KDM4C: variants seen among roughly 807,000 people sequenced by gnomAD.
KDM4C encodes the protein lysine-specific demethylase 4C.
Under a neutral mutation model 129.3 loss-of-function variants are expected in KDM4C, and 81 were observed. That is an observed-to-expected ratio of 0.63 (90% confidence interval 0.52 to 0.75). The LOEUF (loss-of-function observed/expected upper bound fraction) is 0.75. Among genes scored for constraint, KDM4C ranks in the 30% least tolerant of loss-of-function variants. KDM4C has a pLI of 0.00. For missense variants in KDM4C, 1,457 were observed against 1,304.0 expected, an observed-to-expected ratio of 1.12 and a Z score of -1.81; for synonymous variants, 573 against 456.1, an observed-to-expected ratio of 1.26 and a Z score of -3.26.
chr9:7,165,292 A>G lies in KDM4C; in HGVS notation c.2836A>G (p.Lys946Glu). The change falls in exon 20 of 22, where the codon AAG becomes GAG. Residue 946 changes from lysine to glutamate, a missense_variant. By Grantham distance (56) the Lys-to-Glu change is moderately conservative. Transcript: ENST00000381309. ...TGCTGAGGGAGAAGTCGTCCAAGTCAAGTGGCCCGATGGCAAACTCTATGG... is the reference window on the plus strand; with the variant it reads ...TGCTGAGGGAGAAGTCGTCCAAGTCGAGTGGCCCGATGGCAAACTCTATGG... ...PPAEGEVVQVKWPDGKLYGAK... is the reference protein window; with the variant it reads ...PPAEGEVVQVEWPDGKLYGAK... 1 of 1,614,156 alleles carries G rather than the reference A, an allele frequency of 6.2e-7. No individual in the cohort carries two copies. Among genetic ancestry groups the G allele is most frequent in the Non-Finnish European group, 8.5e-7 (1 of 1,180,010 alleles).
rs551205217 is a variant in KDM4C, at chr9:7,040,773, T to G, written c.2260-6089T>G. ...GTCACTTGTAACTCATATAATTGTT[T>G]ACTAAATGTGGCTTTTTTTTTCTCT... On this transcript the variant is annotated intron_variant, in intron 15 of 21. Coordinates refer to ENST00000381309, the MANE Select transcript of KDM4C (RefSeq NM_015061.6). Among the ~76,000 whole-genome samples, 9 of 152,128 alleles carry G rather than the reference T, an allele frequency of 5.9e-5. No homozygotes were observed. The South Asian group carries it at 1.9e-3, about 32-fold the overall frequency.
chr9:7,116,548 T>C (rs1838918439), intron 18 of KDM4C, among the ~76,000 whole-genome samples: 1 of 152,162 alleles, frequency 6.6e-6, no homozygotes, highest in Non-Finnish European at 1.5e-5. Context: ...TACCTCTCTT[T>C]CATGCACAGT....
chr9:6,851,445 T>C (rs1275830398), intron 5 of KDM4C, among the ~76,000 whole-genome samples: 4 of 152,230 alleles, frequency 2.6e-5, no homozygotes, highest in East Asian at 1.9e-4. Flanking sequence ...GTTAGGCTCC[T>C]GGACAGTTTC....
intron 4 of KDM4C, among the ~76,000 whole-genome samples, chr9:6,841,148 A>G (rs986858753): frequency 6.6e-5 from 10 of 152,114 alleles, no homozygotes; most frequent in East Asian, 1.9e-4. Context: ...TCTTTTTTTA[A>G]TAATTGGATT....
At chr9:7,010,064 A>T (rs1822412153) in intron 12 of KDM4C, among the ~76,000 whole-genome samples, 1 of 152,232 alleles carries the variant, frequency 6.6e-6, no homozygotes, top group African/African-American at 2.4e-5. Flanking sequence ...ACAAACATGG[A>T]TGTAACCAAA....
At chr9:6,763,424 C>T (rs989549043) in intron 1 of KDM4C, among the ~76,000 whole-genome samples, 1 of 152,134 alleles carries the variant, frequency 6.6e-6, no homozygotes, top group Non-Finnish European at 1.5e-5. Context: ...GCACACTGGC[C>T]ATAGCAGCAT....
intron 4 of KDM4C, among the ~76,000 whole-genome samples, chr9:6,838,612 A>C (rs773198153): frequency 1.3e-5 from 2 of 152,192 alleles, no homozygotes; most frequent in Non-Finnish European, 1.5e-5. Flanking sequence ...TCACTGCAGA[A>C]TTATTTTTCT....
intron 10 of KDM4C, 132 bp downstream of exon 10, chr9:6,984,536 G>A (rs961576160): frequency 3.1e-6 from 2 of 649,214 alleles, no homozygotes; most frequent in Non-Finnish European, 5.5e-6. Flanking sequence ...CCAAAGTCAT[G>A]GGTAACTCAA....
rs184364971 is a variant in KDM4C, at chr9:7,076,699, T to C, written c.2425-26986T>C. On this transcript the variant is annotated intron_variant, in intron 17 of 21. Transcript: ENST00000381309. Reference sequence around the variant, plus strand: ...CCTCACACCTTTGTGTTTAATTTTTTTAAATTTCATTTGTTGACTTCCTAT... The same window carrying C: ...CCTCACACCTTTGTGTTTAATTTTTCTAAATTTCATTTGTTGACTTCCTAT... 3.1e-4 allele frequency: 386 copies of C among 1,248,710 alleles called. 2 individuals carry two copies. Among genetic ancestry groups the C allele is most frequent in the Middle Eastern group, 2.0e-3 (8 of 4,102 alleles). 77.4% of individuals were successfully genotyped at this position (1,248,710 alleles called of 1,614,324 possible).
chr9:6,897,644 G>A (rs571641702), intron 8 of KDM4C, among the ~76,000 whole-genome samples: 1 of 152,154 alleles, frequency 6.6e-6, no homozygotes, highest in African/African-American at 2.4e-5. Context: ...TGCCCAGTGA[G>A]TTCCTCCTGT....
chr9:7,027,823 C>T (rs1826046211), intron 15 of KDM4C, among the ~76,000 whole-genome samples: 1 of 152,188 alleles, frequency 6.6e-6, no homozygotes, highest in Admixed American at 6.5e-5. Context: ...TACTTCTCAC[C>T]TTTCTTTCCC....
chr9:6,822,701 A>G (rs1287123228), intron 4 of KDM4C, among the ~76,000 whole-genome samples: 1 of 152,264 alleles, frequency 6.6e-6, no homozygotes, highest in African/African-American at 2.4e-5. Context: ...GACGCAGCAC[A>G]GGAGTTTCTT....
At chr9:6,904,285 T>C (rs972170812) in intron 8 of KDM4C, among the ~76,000 whole-genome samples, 4 of 152,186 alleles carry the variant, frequency 2.6e-5, no homozygotes, top group African/African-American at 9.6e-5. Flanking sequence ...TATATATTTA[T>C]ACCTATATCT....
At chr9:6,999,296 C>G (rs920461697) in intron 12 of KDM4C, among the ~76,000 whole-genome samples, 3 of 151,898 alleles carry the variant, frequency 2.0e-5, no homozygotes, top group African/African-American at 7.3e-5. Context: ...AATATGTTGA[C>G]CAAATATAAT....
chr9:6,894,202 T>C (rs1163072417), intron 8 of KDM4C, among the ~76,000 whole-genome samples: 1 of 152,196 alleles, frequency 6.6e-6, no homozygotes, highest in African/African-American at 2.4e-5. Context: ...ATTTAGAAAA[T>C]TGCATAATAT....
In KDM4C at chr9:6,875,031, C is replaced by G. The variant is rs1027875089; in HGVS notation, c.630-4981C>G. ...TTTGATTGAGGATGCAGTTGCTGGT[C>G]CTGAGCACACCAGACTGACCCTAAA... On this transcript the variant is annotated intron_variant, in intron 5 of 21. Transcript: ENST00000381309. Among the ~76,000 whole-genome samples, 8 of 151,978 alleles carry G rather than the reference C, an allele frequency of 5.3e-5. No homozygotes were observed. The South Asian group carries it at 6.2e-4, about 12-fold the overall frequency.
chr9:7,113,057 G>A (rs1240470956), intron 18 of KDM4C, among the ~76,000 whole-genome samples: 1 of 151,904 alleles, frequency 6.6e-6, no homozygotes, highest in East Asian at 1.9e-4. Context: ...TTAACAAATG[G>A]CCTGCTGAAT....
intron 16 of KDM4C, among the ~76,000 whole-genome samples, chr9:7,048,151 G>A (rs1030307886): frequency 1.3e-5 from 2 of 152,052 alleles, no homozygotes; most frequent in Non-Finnish European, 2.9e-5. Context: ...ACTGTGAGAT[G>A]GTTTAGGTGG....
intron 8 of KDM4C, among the ~76,000 whole-genome samples, chr9:6,929,120 C>T (rs185767992): frequency 1.3e-5 from 2 of 152,286 alleles, no homozygotes; most frequent in Non-Finnish European, 2.9e-5. Flanking sequence ...ATCTCCTCAC[C>T]CTCAGCTAGA....
Sources: gnomAD v4.1 joint callset for allele counts (sites outside exome capture counted in the v4.1 genomes callset) on GRCh38, gnomAD v4.1.1 for gene constraint, MANE v1.5 for transcripts, NCBI Gene and HGNC (gene_info 2026-07-23, HGNC 2026-07-21) for gene names.